TENM4: variants seen among roughly 807,000 people sequenced by gnomAD.
TENM4 encodes teneurin transmembrane protein 4.
A neutral mutation model predicts 243.3 loss-of-function variants in TENM4; 82 were observed. That is an observed-to-expected ratio of 0.34 (90% CI 0.28 to 0.40). The LOEUF is 0.40. TENM4 is among the 10% of genes least tolerant of loss of function. The probability of loss-of-function intolerance (pLI) is 1.00; values close to 1 mark genes in which losing one functional copy is unlikely to be tolerated. For missense variants in TENM4, 3,138 were observed against 3,673.3 expected (o/e 0.85, Z 3.77); for synonymous variants, 1,412 against 1,456.3 (o/e 0.97, Z 0.69).
At chr11:78,759,131 C>A (rs559573708) in intron 18 of TENM4, among the ~76,000 whole-genome samples, 2 of 152,124 alleles carry the variant, frequency 1.3e-5, no homozygotes, top group Non-Finnish European at 1.5e-5. Flanking sequence ...CTCTGAGATA[C>A]GGAAGGAATG....
intron 2 of TENM4, among the ~76,000 whole-genome samples, chr11:79,217,705 G>C (rs1319109400): frequency 5.3e-5 from 8 of 152,002 alleles, no homozygotes; most frequent in Non-Finnish European, 2.9e-5. Flanking sequence ...ACTGGCTCTT[G>C]AACTACCTTC....
At chr11:79,397,461 A>C (rs1392864894) in intron 1 of TENM4, among the ~76,000 whole-genome samples, 2 of 152,004 alleles carry the variant, frequency 1.3e-5, no homozygotes, top group Non-Finnish European at 2.9e-5. Context: ...CTACCCAGGA[A>C]CCCCAAAGAT....
chr11:79,331,457 C>T (rs918566004), intron 1 of TENM4, among the ~76,000 whole-genome samples: 2 of 152,120 alleles, frequency 1.3e-5, no homozygotes, highest in Admixed American at 6.6e-5. Flanking sequence ...TGCAGGGAGG[C>T]CTGGGTGGTG....
intron 2 of TENM4, among the ~76,000 whole-genome samples, chr11:79,276,138 A>C (rs1856051051): frequency 6.6e-6 from 1 of 152,246 alleles, no homozygotes; most frequent in South Asian, 2.1e-4. Flanking sequence ...CTTACTGAGA[A>C]TCATCCTGCT....
At chr11:78,936,867 C>T (rs1173096618) in intron 6 of TENM4, among the ~76,000 whole-genome samples, 1 of 152,022 alleles carries the variant, frequency 6.6e-6, no homozygotes, top group African/African-American at 2.4e-5. Flanking sequence ...AATTATAGCA[C>T]ATAGGTCAAA....
At chr11:78,946,565 A>G (rs1405946247) in intron 6 of TENM4, among the ~76,000 whole-genome samples, 1 of 152,212 alleles carries the variant, frequency 6.6e-6, no homozygotes, top group Admixed American at 6.5e-5. Context: ...TTCAAATCGT[A>G]TTGTTTAAGA....
intron 6 of TENM4, among the ~76,000 whole-genome samples, chr11:78,977,156 C>G (rs960216789): frequency 2.0e-5 from 3 of 152,324 alleles, no homozygotes; most frequent in Admixed American, 2.0e-4. Context: ...AGCTGCATCA[C>G]TCCAGTTTCT....
rs556025015 is a variant in TENM4, at chr11:79,184,068, A to G, written c.-163+31740T>C. 6.6e-3 allele frequency among the ~76,000 whole-genome samples: 1,007 copies of G among 152,352 alleles called. 7 individuals are homozygous for G. Among genetic ancestry groups the G allele is most frequent in the African/African-American group, 0.022 (926 of 41,570 alleles). On this transcript the variant is annotated intron_variant, in intron 3 of 33. Coordinates refer to ENST00000278550, the MANE Select transcript of TENM4 (RefSeq NM_001098816.3). ...ATGTTTGTACATCTATGTTCACAGG[A>G]GCATTATTGACAACAGTCAAAAGAG...
intron 6 of TENM4, among the ~76,000 whole-genome samples, chr11:79,033,477 C>A (rs867345362): frequency 2.0e-5 from 3 of 152,220 alleles, no homozygotes; most frequent in Non-Finnish European, 4.4e-5. Flanking sequence ...CCCAACAATG[C>A]GGTGAACAAA....
At chr11:79,025,953 C>T (rs1859068009) in intron 6 of TENM4, among the ~76,000 whole-genome samples, 1 of 152,156 alleles carries the variant, frequency 6.6e-6, no homozygotes, top group South Asian at 2.1e-4. Flanking sequence ...TGCATGTCTA[C>T]TTGTCTTCCC....
chr11:79,166,756 A>C (rs1862923973), intron 3 of TENM4, among the ~76,000 whole-genome samples: 1 of 152,220 alleles, frequency 6.6e-6, no homozygotes, highest in Non-Finnish European at 1.5e-5. Context: ...GGTCAGTTAC[A>C]GCTTCATAGA....
chr11:79,323,904 T>C lies in TENM4; in HGVS notation c.-320-26361A>G, dbSNP rs75084166. Among the ~76,000 whole-genome samples, 1,188 of 137,594 alleles carry C rather than the reference T, an allele frequency of 8.6e-3. 19 individuals carry two copies. Among genetic ancestry groups the C allele is most frequent in the African/African-American group, 0.028 (1,072 of 38,370 alleles). The allele number at this position is 137,594 out of a possible 152,430, so 90.3% of individuals were successfully genotyped here. A position where few individuals can be genotyped will look rare whatever the true frequency, so the allele number is the denominator to read the frequency against. On this transcript the variant is annotated intron_variant, in intron 1 of 33. Transcript: ENST00000278550. ...CTATACACACACACACACACACACA[T>C]ATATACACTGACATACATGCAGATA...
At chr11:79,211,044 A>G (rs2135215082) in intron 3 of TENM4, among the ~76,000 whole-genome samples, 1 of 151,762 alleles carries the variant, frequency 6.6e-6, no homozygotes, top group African/African-American at 2.4e-5. Context: ...ACCTGCAACC[A>G]CTCTTCTGCT....
At chr11:78,744,579 T>G (rs980280420) in intron 19 of TENM4, among the ~76,000 whole-genome samples, 2 of 152,216 alleles carry the variant, frequency 1.3e-5, no homozygotes, top group African/African-American at 4.8e-5. Context: ...CGACACGTAC[T>G]GAAATAATTG....
At chr11:79,392,644 G>T (rs931616906) in intron 1 of TENM4, among the ~76,000 whole-genome samples, 3 of 152,230 alleles carry the variant, frequency 2.0e-5, no homozygotes, top group Non-Finnish European at 4.4e-5. Context: ...ACACAGCAGG[G>T]ATAAATAGGT....
At chr11:78,836,523 G>A (rs916220157) in intron 12 of TENM4, among the ~76,000 whole-genome samples, 7 of 152,174 alleles carry the variant, frequency 4.6e-5, no homozygotes, top group African/African-American at 1.7e-4. Context: ...TGTTCAGTAA[G>A]CTAAACTCTT....
chr11:78,823,637 G>A (rs570319645), intron 12 of TENM4, among the ~76,000 whole-genome samples: 1 of 152,166 alleles, frequency 6.6e-6, no homozygotes, highest in Admixed American at 6.5e-5. Flanking sequence ...AGCAAGACCA[G>A]CAGTGAAGCC....
At chr11:78,844,824 GA>G (rs1195716633) in intron 12 of TENM4, among the ~76,000 whole-genome samples, 6 of 152,160 alleles carry the variant, frequency 3.9e-5, no homozygotes, top group African/African-American at 1.2e-4. Context: ...AGAACTGTGA[GA>G]AATAAATTTC....
intron 16 of TENM4, among the ~76,000 whole-genome samples, chr11:78,783,170 C>T (rs1856870664): frequency 6.6e-6 from 1 of 152,036 alleles, no homozygotes; most frequent in South Asian, 2.1e-4. Context: ...AAATTAAACG[C>T]CTTGTTAAAT....
Sources: allele counts gnomAD v4.1 joint callset (sites outside exome capture counted in the v4.1 genomes callset), GRCh38; gene constraint gnomAD v4.1.1; transcripts MANE v1.5; gene names NCBI Gene and HGNC (gene_info 2026-07-23, HGNC 2026-07-21).